RELL1: variants seen among roughly 807,000 people sequenced by gnomAD.
RELL1 encodes the protein RELT-like protein 1.
Under a neutral mutation model 23.0 loss-of-function variants are expected in RELL1, and 10 were observed. That is an observed-to-expected ratio of 0.43 (90% CI 0.27 to 0.74). The LOEUF is 0.74. RELL1 is among the 30% of genes least tolerant of loss of function. The pLI, the probability that RELL1 is intolerant of heterozygous loss-of-function variation, is 0.19. For synonymous variants in RELL1, 146 were observed against 146.8 expected (o/e 0.99, Z 0.04); for missense variants, 315 against 364.4 (o/e 0.86, Z 1.10).
At chr4:37,650,827 AG>A (rs369059971) in intron 1 of RELL1, among the ~76,000 whole-genome samples, 4 of 86,072 alleles carry the variant, frequency 4.6e-5, no homozygotes, top group African/African-American at 1.8e-4. Flanking sequence ...GGGTGGGGGG[AG>A]GGGGCGAATC....
intron 6 of RELL1, among the ~76,000 whole-genome samples, chr4:37,616,888 G>A (rs545833467): frequency 1.3e-5 from 2 of 152,310 alleles, no homozygotes; most frequent in Admixed American, 1.3e-4. Context: ...TGACACCATG[G>A]TCCTGCAATG....
chr4:37,597,889 AAAAAT>A (rs1163353692), intron 6 of RELL1, among the ~76,000 whole-genome samples: 1 of 151,952 alleles, frequency 6.6e-6, no homozygotes, highest in Admixed American at 6.6e-5. Context: ...TGTCTCTACT[AAAAAT>A]AAAAAAATTA....
intron 6 of RELL1, among the ~76,000 whole-genome samples, chr4:37,625,233 A>G (rs1450924875): frequency 6.6e-6 from 1 of 152,226 alleles, no homozygotes; most frequent in Non-Finnish European, 1.5e-5. Context: ...TTTTGTTTTG[A>G]TAAAAGAAAT....
downstream of RELL1, among the ~76,000 whole-genome samples, chr4:37,608,327 T>C (rs1299937749): frequency 2.0e-5 from 3 of 152,326 alleles, no homozygotes; most frequent in Non-Finnish European, 2.9e-5. Flanking sequence ...TTAGGCCTCC[T>C]GTACCAAATA....
intron 5 of RELL1, among the ~76,000 whole-genome samples, chr4:37,632,932 CA>C (rs1182768521): frequency 6.6e-6 from 1 of 152,100 alleles, no homozygotes. Context: ...AAAATAAGAT[CA>C]CCAACCCTGA....
intron 5 of RELL1, 150 bp from the exon 6 acceptor site, chr4:37,631,673 T>G: frequency 3.7e-6 from 3 of 804,220 alleles, no homozygotes; most frequent in Non-Finnish European, 5.8e-6. Context: ...GAACATGCAT[T>G]CCTATCCAGT....
intron 6 of RELL1, among the ~76,000 whole-genome samples, chr4:37,623,690 A>C (rs1208908234): frequency 6.6e-6 from 1 of 152,134 alleles, no homozygotes; most frequent in Non-Finnish European, 1.5e-5. Context: ...CAGTGGGCTC[A>C]GTCTCCCACA....
At chr4:37,683,287 A>C (rs920767897) in intron 1 of RELL1, among the ~76,000 whole-genome samples, 1 of 152,248 alleles carries the variant, frequency 6.6e-6, no homozygotes. Context: ...GGGTTATCCC[A>C]GATAAAGATA....
intron 6 of RELL1, among the ~76,000 whole-genome samples, chr4:37,620,789 A>G (rs185282677): frequency 1.9e-4 from 29 of 152,364 alleles, no homozygotes; most frequent in Admixed American, 1.9e-3. Context: ...AAGAGAATCA[A>G]GAAATATCAA....
Position 37,598,284 on chromosome 4 carries a change from A to AAAAG in RELL1, c.*4-7068_*4-7067insCTTT, listed in dbSNP as rs869260737. 6.7e-3 allele frequency among the ~76,000 whole-genome samples: 788 copies of AAAAG among 117,094 alleles called. 64 individuals carry two copies. The highest frequency in any genetic ancestry group is 0.015 in the African/African-American group (409 of 26,800). The allele number at this position is 117,094 out of a possible 152,430, so 76.8% of individuals were successfully genotyped here. The stretch of plus-strand genomic sequence containing the variant: ...AAAAAAAAAAAAAAAAAAAAAAAAA[A>AAAAG]GTTTATAGGAAGAAAATATATAGAG... On this transcript the variant is annotated intron_variant, in intron 6 of 6. Transcript: ENST00000314117.
rs199670280 is a variant in RELL1 at position 37,612,320 on chromosome 4, G to GT, written c.*1025dup. 4.7e-3 allele frequency among the ~76,000 whole-genome samples: 247 copies of GT among 52,266 alleles called. 4 individuals are homozygous for GT. Among genetic ancestry groups the GT allele is most frequent in the South Asian group, 0.039 (53 of 1,374 alleles). 34.3% of individuals were successfully genotyped at this position (52,266 alleles called of 152,430 possible). On this transcript the variant is annotated 3_prime_UTR_variant, in exon 7 of 7. Coordinates refer to ENST00000454158, the MANE Select transcript of RELL1 (RefSeq NM_001085400.2). ...TTAACCAAGAATCGCTCAGCTAAAG[G>GT]TTAAAAAAAAAAAAAAAACAAAAAA...
At chr4:37,676,196 C>G (rs78587598) in intron 1 of RELL1, among the ~76,000 whole-genome samples, 2,963 of 152,214 alleles carry the variant, frequency 0.019, 43 homozygotes, top group South Asian at 0.036. Flanking sequence ...GTACTCAGGG[C>G]ATGTCATTTT....
At chr4:37,684,314 T>C (rs973184169) in intron 1 of RELL1, among the ~76,000 whole-genome samples, 45 of 151,490 alleles carry the variant, frequency 3.0e-4, no homozygotes, top group African/African-American at 1.0e-3. Flanking sequence ...CTTTCCTTTT[T>C]AGACACCTGT....
At chr4:37,600,972 G>A (rs749962515) in intron 6 of RELL1, among the ~76,000 whole-genome samples, 5 of 152,168 alleles carry the variant, frequency 3.3e-5, no homozygotes, top group African/African-American at 4.8e-5. Context: ...TAAACTCACT[G>A]AGATGCCTAT....
At chr4:37,595,319 G>A (rs1718794545) in intron 6 of RELL1, among the ~76,000 whole-genome samples, 1 of 152,202 alleles carries the variant, frequency 6.6e-6, no homozygotes, top group Non-Finnish European at 1.5e-5. Flanking sequence ...GCAAGTCAAT[G>A]TGTTGATCGT....
chr4:37,642,053 C>T (rs1051094264), intron 3 of RELL1, among the ~76,000 whole-genome samples: 2 of 152,198 alleles, frequency 1.3e-5, no homozygotes, highest in Admixed American at 6.5e-5. Flanking sequence ...TTAACCCTGA[C>T]ATCTTCCTTC....
chr4:37,621,576 T>A (rs1719768136), intron 6 of RELL1, among the ~76,000 whole-genome samples: 1 of 152,226 alleles, frequency 6.6e-6, no homozygotes, highest in East Asian at 1.9e-4. Flanking sequence ...AGCCTTTCAT[T>A]TTCCGCTTCC....
chr4:37,620,797 C>A (rs1719736200), intron 6 of RELL1, among the ~76,000 whole-genome samples: 1 of 152,148 alleles, frequency 6.6e-6, no homozygotes, highest in Non-Finnish European at 1.5e-5. Context: ...CAAGAAATAT[C>A]AAAAACATTA....
At chr4:37,666,267 T>C (rs1721525870) in intron 1 of RELL1, among the ~76,000 whole-genome samples, 3 of 152,164 alleles carry the variant, frequency 2.0e-5, no homozygotes, top group Admixed American at 2.0e-4. Context: ...GGGCCAACAT[T>C]TGAACCAAGG....
Sources: allele counts gnomAD v4.1 joint callset (sites outside exome capture counted in the v4.1 genomes callset), GRCh38; gene constraint gnomAD v4.1.1; transcripts MANE v1.5; gene names NCBI Gene and HGNC (gene_info 2026-07-23, HGNC 2026-07-21).